The following PPM1L variants were observed in gnomAD, a reference collection of about 807,000 sequenced individuals.
PPM1L encodes protein phosphatase 1L.
In PPM1L, 13 loss-of-function variants were observed where a neutral mutation model predicts 31.4. The ratio of observed to expected loss-of-function variants is 0.41; its 90% confidence interval spans 0.27 to 0.66. The LOEUF (loss-of-function observed/expected upper bound fraction) is 0.66, where lower values mean the gene tolerates loss of function less well. Ranked by LOEUF, PPM1L falls within the 30% of genes least tolerant of loss-of-function variation. The probability of loss-of-function intolerance (pLI) is 0.29; values close to 1 mark genes in which losing one functional copy is unlikely to be tolerated. For synonymous variants in PPM1L, 184 were observed against 175.4 expected (o/e 1.05, Z -0.39); for missense variants, 326 against 453.7 (o/e 0.72, Z 2.56).
chr3:160,935,589 G>A (rs1312393898), intron 1 of PPM1L, among the ~76,000 whole-genome samples: 1 of 152,212 alleles, frequency 6.6e-6, no homozygotes, highest in East Asian at 1.9e-4. Context: ...AAATGGTGGA[G>A]GCTGCGGCTC....
intron 1 of PPM1L, among the ~76,000 whole-genome samples, chr3:160,780,993 G>A (rs775408166): frequency 1.3e-5 from 2 of 152,098 alleles, no homozygotes; most frequent in Non-Finnish European, 2.9e-5. Context: ...TTTTAGTGAA[G>A]AAACTAATGA....
intron 1 of PPM1L, among the ~76,000 whole-genome samples, chr3:160,958,705 G>A (rs1715859734): frequency 6.6e-6 from 1 of 152,180 alleles, no homozygotes; most frequent in Non-Finnish European, 1.5e-5. Flanking sequence ...AATGTTTGGT[G>A]ATGTTAAAGT....
intron 1 of PPM1L, among the ~76,000 whole-genome samples, chr3:160,852,997 G>A (rs115706805): frequency 5.5e-4 from 83 of 152,176 alleles, no homozygotes; most frequent in African/African-American, 1.9e-3. Context: ...GTGTCGACAG[G>A]GTCCCACTCC....
At chr3:160,813,399 GCA>G (rs1372637347) in intron 1 of PPM1L, among the ~76,000 whole-genome samples, 2 of 152,086 alleles carry the variant, frequency 1.3e-5, no homozygotes, top group East Asian at 3.9e-4. Flanking sequence ...GAGTGCAGTG[GCA>G]CAGTCTTGGC....
chr3:160,770,806 C>T (rs1225348695), intron 1 of PPM1L, among the ~76,000 whole-genome samples: 1 of 152,152 alleles, frequency 6.6e-6, no homozygotes, highest in Non-Finnish European at 1.5e-5. Context: ...TGGTGAAGGT[C>T]ATCCTTATTT....
Position 160,910,169 on chromosome 3 carries a change from C to T in PPM1L, c.400-51567C>T, listed in dbSNP as rs1377898158. On this transcript the variant is annotated intron_variant, in intron 1 of 3. Transcript: ENST00000498165. ...ATTCAGCGCTTGAAACTTTCTTTCC[C>T]TCCCTGTCCCCTTCCCCTTCCCCTT... 2.0e-5 allele frequency among the ~76,000 whole-genome samples: 3 copies of T among 150,832 alleles called. No individual in the cohort carries two copies. The South Asian group carries it at 6.3e-4, about 32-fold the overall frequency.
intron 1 of PPM1L, among the ~76,000 whole-genome samples, chr3:160,778,247 G>C (rs1243126410): frequency 1.3e-5 from 2 of 151,752 alleles, no homozygotes; most frequent in African/African-American, 2.4e-5. Context: ...TGTCATTGTT[G>C]AGTGGTAGTT....
At chr3:160,952,443 G>A (rs992289573) in intron 1 of PPM1L, among the ~76,000 whole-genome samples, 1 of 152,124 alleles carries the variant, frequency 6.6e-6, no homozygotes, top group Non-Finnish European at 1.5e-5. Context: ...TGTGAATTTC[G>A]AAGGATTCCC....
At chr3:160,969,800 T>C (rs754074755) in intron 2 of PPM1L, among the ~76,000 whole-genome samples, 1 of 152,198 alleles carries the variant, frequency 6.6e-6, no homozygotes, top group Non-Finnish European at 1.5e-5. Context: ...GTGCAACCTC[T>C]GACACCAACT....
chr3:161,008,800 T>A (rs1717794777), intron 2 of PPM1L, among the ~76,000 whole-genome samples: 1 of 152,156 alleles, frequency 6.6e-6, no homozygotes, highest in South Asian at 2.1e-4. Flanking sequence ...GGAATGATAT[T>A]AGGAGCTTAG....
intron 2 of PPM1L, among the ~76,000 whole-genome samples, chr3:160,993,187 T>C (rs1338776218): frequency 3.3e-5 from 5 of 152,104 alleles, no homozygotes; most frequent in African/African-American, 1.2e-4. Flanking sequence ...TGCTAATAAG[T>C]AAAAATGATA....
In PPM1L at chr3:160,988,139, G is replaced by A. The variant is rs368615480; in HGVS notation, c.574+26229G>A. On this transcript the variant is annotated intron_variant, in intron 2 of 3. Coordinates refer to ENST00000498165, the MANE Select transcript of PPM1L (RefSeq NM_139245.4). ...GCAAGAGAGGAGGAATAGGGCAGAC[G>A]CCATGAGGTGACTGAAGCTCATGGG... Among the ~76,000 whole-genome samples the A allele has an allele frequency of 5.3e-4, 80 of 152,268 alleles. 1 individual carries two copies. In the South Asian group the frequency reaches 0.015, roughly 29 times the overall value.
Position 161,025,592 on chromosome 3 carries a change from A to G in PPM1L, c.575-39811A>G, listed in dbSNP as rs553400437. ...ATTTGTAAATGAAAAAAAAAAAAAA[A>G]AAGAGTCTCATGCAGCATTTGGTTA... On this transcript the variant is annotated intron_variant, in intron 2 of 3. Transcript: ENST00000498165. Among the ~76,000 whole-genome samples, 133 of 94,208 alleles carry G rather than the reference A, an allele frequency of 1.4e-3. 1 individual carries two copies. The highest frequency in any genetic ancestry group is 4.5e-3 in the Middle Eastern group (1 of 222). 61.8% of individuals were successfully genotyped at this position (94,208 alleles called of 152,430 possible).
intron 1 of PPM1L, among the ~76,000 whole-genome samples, chr3:160,850,012 A>G (rs1452045476): frequency 6.6e-6 from 1 of 152,170 alleles, no homozygotes; most frequent in African/African-American, 2.4e-5. Context: ...TTCTGACACT[A>G]TCTACCCACA....
intron 2 of PPM1L, among the ~76,000 whole-genome samples, chr3:161,061,568 ATAAAAAACAATATAACATCATACAAAT>A (rs1468305147): frequency 6.6e-6 from 1 of 152,234 alleles, no homozygotes; most frequent in African/African-American, 2.4e-5. Context: ...TTTTAAAGCA[ATAAAAAACAATATAACATCATACAAAT>A]TAAAAAACAA....
chr3:160,817,389 G>C (rs910478123), intron 1 of PPM1L, among the ~76,000 whole-genome samples: 1 of 152,040 alleles, frequency 6.6e-6, no homozygotes, highest in Non-Finnish European at 1.5e-5. Flanking sequence ...GGTAATGAAA[G>C]TGTGAACTAG....
intron 1 of PPM1L, among the ~76,000 whole-genome samples, chr3:160,862,350 T>C (rs906865333): frequency 6.6e-6 from 1 of 152,106 alleles, no homozygotes; most frequent in Non-Finnish European, 1.5e-5. Context: ...CCTGGAAACT[T>C]CTGGGCTGTG....
rs182033499 is a variant in PPM1L, at chr3:160,829,967, G to A, written c.399+73260G>A. 9.9e-5 allele frequency among the ~76,000 whole-genome samples: 15 copies of A among 152,224 alleles called. No homozygotes were observed. The East Asian group carries it at 2.1e-3, about 22-fold the overall frequency. On this transcript the variant is annotated intron_variant, in intron 1 of 3. Transcript: ENST00000498165. ...TGCAAAGGTACAGCCTGGCAGCTGC[G>A]TCTCAGCCATGGGAAACAAAGTGGA...
chr3:161,034,633 G>C (rs1437931572), intron 2 of PPM1L, among the ~76,000 whole-genome samples: 1 of 151,532 alleles, frequency 6.6e-6, no homozygotes, highest in Non-Finnish European at 1.5e-5. Context: ...ATAAGTGGGA[G>C]TCAAACAATG....
Sources: gnomAD v4.1 joint callset for allele counts (sites outside exome capture counted in the v4.1 genomes callset) on GRCh38, gnomAD v4.1.1 for gene constraint, MANE v1.5 for transcripts, NCBI Gene and HGNC (gene_info 2026-07-23, HGNC 2026-07-21) for gene names.